The following HYAL4 variants were observed in gnomAD, a reference collection of about 807,000 sequenced individuals.
HYAL4 encodes the protein hyaluronidase-4.
A neutral mutation model predicts 35.2 loss-of-function variants in HYAL4; 37 were observed. The observed-to-expected ratio is 1.05, with a 90% CI of 0.81 to 1.38. The LOEUF (loss-of-function observed/expected upper bound fraction) is 1.38, where lower values mean the gene tolerates loss of function less well. Among genes scored for constraint, HYAL4 ranks in the 40% most tolerant of loss-of-function variants. HYAL4 has a pLI of 0.00. For synonymous variants in HYAL4, 198 were observed against 203.2 expected, an observed-to-expected ratio of 0.97 and a Z score of 0.22; for missense variants, 572 against 572.4, an observed-to-expected ratio of 1.00 and a Z score of 0.01.
intron 1 of HYAL4, among the ~76,000 whole-genome samples, chr7:123,838,240 C>CT (rs61344294): frequency 0.18 from 23,186 of 129,440 alleles, 2,852 homozygotes; most frequent in African/African-American, 0.36. Flanking sequence ...TTTACAGAGC[C>CT]TTTTTTTTTT....
intron 3 of HYAL4, among the ~76,000 whole-genome samples, chr7:123,869,868 T>G (rs1187194950): frequency 6.8e-6 from 1 of 147,918 alleles, no homozygotes; most frequent in Non-Finnish European, 1.5e-5. Flanking sequence ...TTTTGTACTT[T>G]TAGTAAAGAC....
chr7:123,873,486 TTA>T (rs1274499041), intron 3 of HYAL4, among the ~76,000 whole-genome samples: 2 of 148,408 alleles, frequency 1.3e-5, no homozygotes, highest in Admixed American at 6.6e-5. Context: ...ATAAAGAGAC[TTA>T]TCTCTCAAGT....
chr7:123,861,537 A>G (rs1324091179), intron 2 of HYAL4, among the ~76,000 whole-genome samples: 4 of 152,200 alleles, frequency 2.6e-5, no homozygotes, highest in Non-Finnish European at 5.9e-5. Context: ...ATACTTAGAC[A>G]AAGACCAAGT....
the HYAL4 span, among the ~76,000 whole-genome samples, chr7:123,807,740 T>C: frequency 1.3e-5 from 2 of 151,188 alleles, no homozygotes; most frequent in Non-Finnish European, 2.9e-5. Flanking sequence ...CTATTTTTTA[T>C]GTATTTTTGA....
chr7:123,832,643 G>A (rs1805903595), intron 1 of HYAL4, among the ~76,000 whole-genome samples: 1 of 151,500 alleles, frequency 6.6e-6, no homozygotes, highest in Admixed American at 6.6e-5. Context: ...GGGACTACAG[G>A]TGCCCACCAC....
At chr7:123,866,814 C>CT (rs1806698704) in intron 2 of HYAL4, among the ~76,000 whole-genome samples, 1 of 127,726 alleles carries the variant, frequency 7.8e-6, no homozygotes, top group Non-Finnish European at 1.6e-5. Flanking sequence ...TTTTTTGAGA[C>CT]TGAGTCTCGC....
chr7:123,823,742 T>TACAC, the HYAL4 span, among the ~76,000 whole-genome samples: 2 of 144,392 alleles, frequency 1.4e-5, no homozygotes, highest in East Asian at 2.0e-4. Flanking sequence ...TATATATATA[T>TACAC]ATACACACAC....
intron 2 of HYAL4, among the ~76,000 whole-genome samples, chr7:123,858,222 T>C (rs1214934527): frequency 2.0e-5 from 3 of 152,096 alleles, no homozygotes; most frequent in Non-Finnish European, 4.4e-5. Context: ...GTAGCAACCA[T>C]GTAAGATGTA....
the HYAL4 span, among the ~76,000 whole-genome samples, chr7:123,791,540 A>C: frequency 0.35 from 53,653 of 152,062 alleles, 9,695 homozygotes; most frequent in Middle Eastern, 0.43. Flanking sequence ...ATTTACAAAA[A>C]CCCTGGGGCT....
upstream of HYAL4, chr7:123,845,149 C>T (rs1260368427): frequency 6.6e-6 from 1 of 151,672 alleles, no homozygotes; most frequent in Non-Finnish European, 1.5e-5. Flanking sequence ...CCTATTTGGC[C>T]ATCTTCCAGT....
At chr7:123,807,427 T>C in the HYAL4 span, among the ~76,000 whole-genome samples, 3 of 148,952 alleles carry the variant, frequency 2.0e-5, no homozygotes, top group Non-Finnish European at 4.5e-5. Context: ...CTTTTACTTT[T>C]TATGGTTTTT....
the HYAL4 span, among the ~76,000 whole-genome samples, chr7:123,782,411 G>A: frequency 6.6e-6 from 1 of 151,980 alleles, no homozygotes; most frequent in South Asian, 2.1e-4. Context: ...TAAAATGCAA[G>A]TAATCTTCCT....
intron 1 of HYAL4, 75 bp from the exon 2 acceptor site, chr7:123,848,014 T>C (rs1562995681): frequency 6.5e-6 from 1 of 152,690 alleles, no homozygotes; most frequent in South Asian, 2.1e-4. Context: ...ATAAAGAGAT[T>C]TAATGCAAGC....
Position 123,868,786 on chromosome 7 carries a change from T to C in HYAL4, c.513T>C (p.Ile171=). The C allele has an allele frequency of 6.2e-7, 1 of 1,614,236 alleles. No homozygotes were observed. Among genetic ancestry groups the C allele is most frequent in the Non-Finnish European group, 8.5e-7 (1 of 1,180,042 alleles). The change falls in exon 3 of 5, where the codon ATT becomes ATC. Residue 171 remains isoleucine, a synonymous_variant. Coordinates refer to ENST00000223026, the MANE Select transcript of HYAL4 (RefSeq NM_012269.3). ...ACAGACAGAAGTCAAGAAAGCTTAT[T>C]TCCGATATGGGAAAGAATGTATCAG... ...DVYRQKSRKL[I]SDMGKNVSAT...
intron 3 of HYAL4, among the ~76,000 whole-genome samples, 177 bp downstream of exon 3, chr7:123,869,404 A>G (rs1288400832): frequency 1.3e-5 from 2 of 152,116 alleles, no homozygotes; most frequent in Admixed American, 6.5e-5. Flanking sequence ...CTGAATTTTG[A>G]TTATCTTACT....
the HYAL4 span, among the ~76,000 whole-genome samples, chr7:123,823,094 ATG>A: frequency 6.6e-6 from 1 of 152,192 alleles, no homozygotes; most frequent in Non-Finnish European, 1.5e-5. Context: ...GGCTTGTCAT[ATG>A]TGGCCTTTGT....
the HYAL4 span, among the ~76,000 whole-genome samples, chr7:123,806,643 G>C: frequency 1.3e-5 from 2 of 151,394 alleles, no homozygotes; most frequent in African/African-American, 2.4e-5. Flanking sequence ...GTAGAGATGG[G>C]ATTTCTCCAT....
chr7:123,830,609 T>C (rs1237406232), intron 1 of HYAL4, among the ~76,000 whole-genome samples: 1 of 152,210 alleles, frequency 6.6e-6, no homozygotes, highest in African/African-American at 2.4e-5. Flanking sequence ...AGTCTCTTAC[T>C]ATTCCATACA....
the HYAL4 span, among the ~76,000 whole-genome samples, chr7:123,792,574 G>GTCTTT: frequency 1.3e-5 from 2 of 152,148 alleles, no homozygotes; most frequent in African/African-American, 4.8e-5. Context: ...GCTTGACTGG[G>GTCTTT]TCTTTTAGTA....
Sources: gnomAD v4.1 joint callset for allele counts (sites outside exome capture counted in the v4.1 genomes callset) on GRCh38, gnomAD v4.1.1 for gene constraint, MANE v1.5 for transcripts, NCBI Gene and HGNC (gene_info 2026-07-23, HGNC 2026-07-21) for gene names.